CCND3: variants seen among roughly 807,000 people sequenced by gnomAD.
CCND3 encodes the protein G1/S-specific cyclin-D3.
A neutral mutation model predicts 28.7 loss-of-function variants in CCND3; 9 were observed. That is an observed-to-expected ratio of 0.31 (90% CI 0.19 to 0.55). CCND3 has a LOEUF of 0.55. Ranked by LOEUF, CCND3 falls within the 20% of genes least tolerant of loss-of-function variation. The pLI is 0.93. For missense variants in CCND3, 315 were observed against 385.8 expected (o/e 0.82, Z 1.54); for synonymous variants, 164 against 163.9 (o/e 1.00, Z 0.00).
At chr6:41,978,064 A>T (rs1448100178) in intron 1 of CCND3, among the ~76,000 whole-genome samples, 1 of 146,448 alleles carries the variant, frequency 6.8e-6, no homozygotes, top group Non-Finnish European at 1.5e-5. Flanking sequence ...CAAAAAAAGA[A>T]AAAAACTCTA....
chr6:42,020,265 G>C (rs1206761041), intron 1 of CCND3, among the ~76,000 whole-genome samples: 3 of 152,064 alleles, frequency 2.0e-5, no homozygotes, highest in Non-Finnish European at 4.4e-5. Flanking sequence ...CTGGGCGGCA[G>C]AGCGAGACTC....
chr6:41,949,384 A>G (rs1264179046), intron 1 of CCND3, among the ~76,000 whole-genome samples: 2 of 152,164 alleles, frequency 1.3e-5, no homozygotes, highest in African/African-American at 4.8e-5. Flanking sequence ...GCACGCCTGT[A>G]ATCCCAGCTA....
chr6:42,040,619 T>C (rs929489727), intron 1 of CCND3, among the ~76,000 whole-genome samples: 2 of 151,984 alleles, frequency 1.3e-5, no homozygotes, highest in African/African-American at 4.8e-5. Flanking sequence ...TTTGGGAGGC[T>C]GAGGCGGGTG....
chr6:41,969,625 A>G (rs531128669), intron 1 of CCND3, among the ~76,000 whole-genome samples: 5 of 152,166 alleles, frequency 3.3e-5, no homozygotes, highest in African/African-American at 1.2e-4. Context: ...AGTCCCAGTT[A>G]CTAGGGAGAC....
chr6:42,031,009 G>A (rs1199140836), intron 1 of CCND3, among the ~76,000 whole-genome samples: 3 of 152,054 alleles, frequency 2.0e-5, no homozygotes, highest in East Asian at 1.9e-4. Context: ...TCTCCTGGGG[G>A]CACAGCTGTT....
intron 1 of CCND3, among the ~76,000 whole-genome samples, chr6:41,970,617 G>A (rs1762009272): frequency 6.6e-6 from 1 of 152,062 alleles, no homozygotes; most frequent in South Asian, 2.1e-4. Context: ...TTTCAAAACA[G>A]GAAGTAAACA....
chr6:41,983,447 C>T (rs995637124), intron 1 of CCND3, among the ~76,000 whole-genome samples: 3 of 151,512 alleles, frequency 2.0e-5, no homozygotes, highest in African/African-American at 4.9e-5. Context: ...ATTAACATAT[C>T]CATAACATAT....
chr6:41,988,575 G>A (rs945365309), intron 1 of CCND3, among the ~76,000 whole-genome samples: 2 of 152,046 alleles, frequency 1.3e-5, no homozygotes, highest in Admixed American at 6.6e-5. Flanking sequence ...TCCTACAACT[G>A]ATGGCCAGCC....
chr6:42,049,661 C>A (rs1247911332), upstream of CCND3: 2 of 152,316 alleles, frequency 1.3e-5, no homozygotes, highest in African/African-American at 4.8e-5. Flanking sequence ...CTCGCAAATA[C>A]TTGCGGGTCG....
At position 41,998,695 on chromosome 6, in the gene CCND3, T is replaced by C. The variant is rs191897003; in HGVS notation, c.-46+49806A>G. ...GTCTATGCATTATTATTTTTTTTTT[T>C]TGAGACAGAGTTTCGCTCTTGTTGT... is the stretch of plus-strand genomic sequence containing the variant. On this transcript the variant is annotated intron_variant, in intron 1 of 4. Transcript: ENST00000372988. 1.8e-3 allele frequency among the ~76,000 whole-genome samples: 275 copies of C among 152,062 alleles called. 2 individuals carry two copies. Among genetic ancestry groups the C allele is most frequent in the African/African-American group, 6.3e-3 (260 of 41,508 alleles).
At chr6:42,028,724 C>T (rs1763956013) in intron 1 of CCND3, among the ~76,000 whole-genome samples, 1 of 152,208 alleles carries the variant, frequency 6.6e-6, no homozygotes, top group African/African-American at 2.4e-5. Context: ...GGAGATGACT[C>T]AGCTAAAGCT....
chr6:41,949,653 C>T (rs1384199582), intron 1 of CCND3, among the ~76,000 whole-genome samples: 1 of 151,514 alleles, frequency 6.6e-6, no homozygotes, highest in East Asian at 1.9e-4. Flanking sequence ...AAAACAGTAA[C>T]AAAACCGTGC....
At chr6:41,979,135 C>T (rs1036181829) in intron 1 of CCND3, among the ~76,000 whole-genome samples, 3 of 132,868 alleles carry the variant, frequency 2.3e-5, no homozygotes, top group Non-Finnish European at 3.1e-5. Flanking sequence ...CACACCATTG[C>T]ACTTCAGCCT....
upstream of CCND3, chr6:42,049,722 G>A (rs1365014758): frequency 1.3e-5 from 2 of 152,322 alleles, no homozygotes; most frequent in Non-Finnish European, 2.9e-5. Context: ...AGGTGGTCCA[G>A]GCTCTACTTC....
chr6:41,957,573 C>T (rs1352467086), intron 1 of CCND3, among the ~76,000 whole-genome samples: 1 of 152,238 alleles, frequency 6.6e-6, no homozygotes, highest in Non-Finnish European at 1.5e-5. Context: ...CACGCATCCA[C>T]TTAATGGTTG....
chr6:41,987,475 TTTTCTCTCTCTCTC>T (rs1238512140), intron 1 of CCND3, among the ~76,000 whole-genome samples: 117 of 110,028 alleles, frequency 1.1e-3, no homozygotes, highest in Middle Eastern at 4.5e-3. Context: ...TGGACCAGGC[TTTTCTCTCTCTCTC>T]TCTCTCTCTC....
chr6:42,007,502 C>T (rs1375609673), intron 1 of CCND3, among the ~76,000 whole-genome samples: 1 of 151,926 alleles, frequency 6.6e-6, no homozygotes, highest in Non-Finnish European at 1.5e-5. Context: ...GAGGCGGAGC[C>T]CAAATGCAGG....
intron 1 of CCND3, among the ~76,000 whole-genome samples, chr6:42,046,858 AGC>A (rs1764560359): frequency 6.6e-6 from 1 of 152,226 alleles, no homozygotes; most frequent in Non-Finnish European, 1.5e-5. Flanking sequence ...TTTTGTGGTC[AGC>A]GAAGGAGGCA....
At chr6:41,972,491 A>T (rs1237161967) in intron 1 of CCND3, among the ~76,000 whole-genome samples, 2 of 152,062 alleles carry the variant, frequency 1.3e-5, no homozygotes, top group African/African-American at 4.8e-5. Flanking sequence ...CAGCTCCATC[A>T]AGCCCCGGTT....
Sources: allele counts gnomAD v4.1 joint callset (sites outside exome capture counted in the v4.1 genomes callset), GRCh38; gene constraint gnomAD v4.1.1; transcripts MANE v1.5; gene names NCBI Gene and HGNC (gene_info 2026-07-23, HGNC 2026-07-21).